TRHDE: variants seen among roughly 807,000 people sequenced by gnomAD.
TRHDE encodes the protein thyrotropin releasing hormone degrading enzyme.
TRHDE carries 72 observed loss-of-function variants against 125.7 expected under a neutral mutation model. That is an observed-to-expected ratio of 0.57 (90% CI 0.47 to 0.70). TRHDE has a LOEUF of 0.70. TRHDE is among the 30% of genes least tolerant of loss of function. The pLI, the probability that TRHDE is intolerant of heterozygous loss-of-function variation, is 0.00. For synonymous variants in TRHDE, 509 were observed against 509.1 expected (o/e 1.00, Z 0.00); for missense variants, 1,110 against 1,327.1 (o/e 0.84, Z 2.54).
In TRHDE at chr12:72,653,245, A is replaced by T. The variant is rs1415063306; in HGVS notation, c.2984+89A>T. ...AAGTTTTGTGTTAAAGCTAAGATCC[A>T]TGCAATAGGTTTAGATATTAAAATA... On this transcript the variant is annotated intron_variant, in intron 17 of 18. Transcript: ENST00000261180. The T allele has an allele frequency of 4.8e-5, 51 of 1,061,024 alleles. 1 individual carries two copies. In the South Asian group the frequency reaches 9.3e-4, roughly 19 times the overall value. The allele number at this position is 1,061,024 out of a possible 1,614,324, so 65.7% of individuals were successfully genotyped here. A position where few individuals can be genotyped will look rare whatever the true frequency, so the allele number is the denominator to read the frequency against.
At chr12:72,541,940 G>A (rs983713316) in intron 6 of TRHDE, among the ~76,000 whole-genome samples, 1 of 151,274 alleles carries the variant, frequency 6.6e-6, no homozygotes, top group Non-Finnish European at 1.5e-5. Flanking sequence ...CCTTCCCTGA[G>A]CAAATTATGA....
intron 2 of TRHDE, among the ~76,000 whole-genome samples, chr12:72,171,948 C>T (rs1169869332): frequency 1.3e-5 from 2 of 152,200 alleles, no homozygotes; most frequent in African/African-American, 2.4e-5. Context: ...AGCCTTCAGT[C>T]TTCACATGCC....
chr12:72,182,155 T>C (rs765591562), intron 2 of TRHDE, among the ~76,000 whole-genome samples: 1 of 152,174 alleles, frequency 6.6e-6, no homozygotes. Context: ...TTTCAGTGTG[T>C]CTACCCAACT....
intron 3 of TRHDE, among the ~76,000 whole-genome samples, chr12:72,448,370 C>T (rs953026130): frequency 5.3e-5 from 8 of 152,026 alleles, no homozygotes; most frequent in East Asian, 3.9e-4. Flanking sequence ...TTTAGTTTAA[C>T]AAACAAAACC....
intron 3 of TRHDE, among the ~76,000 whole-genome samples, chr12:72,392,236 C>T (rs1872637067): frequency 6.6e-6 from 1 of 152,180 alleles, no homozygotes; most frequent in African/African-American, 2.4e-5. Flanking sequence ...CTGACTAATA[C>T]ACCTATGTAA....
intron 5 of TRHDE, among the ~76,000 whole-genome samples, chr12:72,487,175 A>G (rs1031715533): frequency 2.6e-5 from 4 of 152,154 alleles, no homozygotes; most frequent in African/African-American, 9.6e-5. Flanking sequence ...AGAAATATTC[A>G]TATTATGCAA....
intron 2 of TRHDE, among the ~76,000 whole-genome samples, chr12:72,313,927 A>T (rs1162598327): frequency 1.3e-5 from 2 of 152,054 alleles, no homozygotes; most frequent in African/African-American, 4.8e-5. Context: ...CAAGCTTGGA[A>T]TTCCTCAGAT....
At chr12:72,466,340 C>A (rs145359426) in intron 3 of TRHDE, among the ~76,000 whole-genome samples, 4 of 152,118 alleles carry the variant, frequency 2.6e-5, no homozygotes, top group Non-Finnish European at 4.4e-5. Flanking sequence ...TTAGCCTTGA[C>A]GACCGACTAC....
intron 7 of TRHDE, among the ~76,000 whole-genome samples, chr12:72,561,154 G>T: frequency 6.6e-6 from 1 of 152,186 alleles, no homozygotes; most frequent in East Asian, 1.9e-4. Flanking sequence ...CATTTGCTGT[G>T]CTGTGAGTTG....
intron 2 of TRHDE, among the ~76,000 whole-genome samples, chr12:72,251,155 CATTT>C (rs375362533): frequency 4.0e-4 from 61 of 151,842 alleles, no homozygotes; most frequent in Non-Finnish European, 4.9e-4. Context: ...TACATGCATT[CATTT>C]GAGTGTGTAT....
intron 2 of TRHDE, among the ~76,000 whole-genome samples, chr12:72,130,160 C>T (rs536694317): frequency 3.9e-5 from 6 of 152,064 alleles, no homozygotes; most frequent in Admixed American, 3.9e-4. Flanking sequence ...ATTAGCCAGG[C>T]GCGGTGGTGG....
chr12:72,294,202 C>T (rs189326273), intron 2 of TRHDE, among the ~76,000 whole-genome samples: 1 of 152,318 alleles, frequency 6.6e-6, no homozygotes, highest in East Asian at 1.9e-4. Context: ...CATGTCTCAG[C>T]CCTGTTTGTG....
At chr12:72,600,456 G>A (rs535842038) in intron 12 of TRHDE, among the ~76,000 whole-genome samples, 18 of 151,854 alleles carry the variant, frequency 1.2e-4, no homozygotes, top group Non-Finnish European at 2.4e-4. Context: ...AGTTCTCCTT[G>A]TAGAGATCTT....
At chr12:72,430,309 G>A (rs1051430892) in intron 3 of TRHDE, among the ~76,000 whole-genome samples, 3 of 137,314 alleles carry the variant, frequency 2.2e-5, no homozygotes, top group Non-Finnish European at 3.1e-5. Context: ...GTATATATAT[G>A]TATATATACA....
At chr12:72,298,990 G>A (rs1320624722) in intron 2 of TRHDE, among the ~76,000 whole-genome samples, 1 of 152,098 alleles carries the variant, frequency 6.6e-6, no homozygotes, top group African/African-American at 2.4e-5. Flanking sequence ...CACCAAATGT[G>A]TTGCAGTACA....
At chr12:72,257,288 G>A (rs1878841110) in intron 2 of TRHDE, 1 of 151,976 alleles carries the variant, frequency 6.6e-6, no homozygotes, top group Admixed American at 6.6e-5. Flanking sequence ...TTAGGTAATG[G>A]GTTACAGTCA....
intron 7 of TRHDE, among the ~76,000 whole-genome samples, chr12:72,561,743 C>T (rs562652759): frequency 6.6e-6 from 1 of 152,284 alleles, no homozygotes; most frequent in East Asian, 1.9e-4. Context: ...AAAGCAATCC[C>T]TCTTAACATC....
At chr12:72,416,028 C>T (rs188023446) in intron 3 of TRHDE, among the ~76,000 whole-genome samples, 2 of 152,130 alleles carry the variant, frequency 1.3e-5, no homozygotes, top group African/African-American at 2.4e-5. Flanking sequence ...CCTTTCTCCA[C>T]GTCCTTGCCA....
At chr12:72,603,058 C>A (rs1872271383) in intron 12 of TRHDE, among the ~76,000 whole-genome samples, 1 of 151,872 alleles carries the variant, frequency 6.6e-6, no homozygotes, top group Non-Finnish European at 1.5e-5. Flanking sequence ...TATGTGAGTT[C>A]AAAGAGTTCA....
Sources: allele counts gnomAD v4.1 joint callset (sites outside exome capture counted in the v4.1 genomes callset), GRCh38; gene constraint gnomAD v4.1.1; transcripts MANE v1.5; gene names NCBI Gene and HGNC (gene_info 2026-07-23, HGNC 2026-07-21).